DGKB: variants seen among roughly 807,000 people sequenced by gnomAD.
DGKB encodes diacylglycerol kinase beta.
In DGKB, 67 loss-of-function variants were observed where a neutral mutation model predicts 114.3. The ratio of observed to expected loss-of-function variants is 0.59; its 90% CI spans 0.48 to 0.72. The LOEUF is 0.72. DGKB is among the 30% of genes least tolerant of loss of function. DGKB has a pLI of 0.00. For synonymous variants in DGKB, 398 were observed against 323.1 expected, an observed-to-expected ratio of 1.23 and a Z score of -2.49; for missense variants, 907 against 975.2, an observed-to-expected ratio of 0.93 and a Z score of 0.93.
chr7:14,610,596 A>G (rs17168302), intron 16 of DGKB, among the ~76,000 whole-genome samples: 10,698 of 152,100 alleles, frequency 0.07, 640 homozygotes, highest in East Asian at 0.26. Flanking sequence ...TTATAAACAA[A>G]TTCTTATGAT....
chr7:14,339,459 C>T (rs1811250664), intron 22 of DGKB, among the ~76,000 whole-genome samples: 1 of 151,880 alleles, frequency 6.6e-6, no homozygotes. Flanking sequence ...CAAGGTTAAT[C>T]AGCCCAATTT....
chr7:14,892,111 A>C (rs926983665), intron 1 of DGKB, among the ~76,000 whole-genome samples: 1 of 151,364 alleles, frequency 6.6e-6, no homozygotes, highest in African/African-American at 2.4e-5. Context: ...AATGAGAAAA[A>C]AGTCATGGAA....
At chr7:14,758,154 G>A (rs1480534781) in intron 2 of DGKB, among the ~76,000 whole-genome samples, 1 of 151,930 alleles carries the variant, frequency 6.6e-6, no homozygotes, top group Non-Finnish European at 1.5e-5. Flanking sequence ...CCCTATATAT[G>A]CATTACGAAT....
chr7:14,527,289 C>T (rs907386496), intron 20 of DGKB, among the ~76,000 whole-genome samples: 3 of 152,082 alleles, frequency 2.0e-5, no homozygotes, highest in Middle Eastern at 6.3e-3. Context: ...TGGCATTATC[C>T]ACTGTATACA....
intron 1 of DGKB, among the ~76,000 whole-genome samples, chr7:14,883,288 A>C (rs2128216505): frequency 6.6e-6 from 1 of 152,020 alleles, no homozygotes; most frequent in East Asian, 1.9e-4. Flanking sequence ...GCAAAGTTTT[A>C]AGGGTCTATC....
At chr7:14,615,950 A>G (rs1806426515) in intron 15 of DGKB, among the ~76,000 whole-genome samples, 2 of 151,406 alleles carry the variant, frequency 1.3e-5, no homozygotes, top group Admixed American at 1.3e-4. Flanking sequence ...AGTTTCTGAA[A>G]CTCAGTATAT....
chr7:14,493,008 T>C (rs1225651546), intron 20 of DGKB, among the ~76,000 whole-genome samples: 1 of 152,110 alleles, frequency 6.6e-6, no homozygotes, highest in African/African-American at 2.4e-5. Flanking sequence ...GCTTAATCTA[T>C]GCAAACTTTC....
intron 21 of DGKB, among the ~76,000 whole-genome samples, chr7:14,386,429 G>C (rs1176625480): frequency 6.6e-6 from 1 of 152,164 alleles, no homozygotes; most frequent in Non-Finnish European, 1.5e-5. Flanking sequence ...GTGGCCCTTT[G>C]CCCTAACACG....
intron 12 of DGKB, among the ~76,000 whole-genome samples, chr7:14,679,942 G>C (rs568621420): frequency 1.4e-3 from 213 of 152,104 alleles, no homozygotes; most frequent in African/African-American, 5.1e-3. Context: ...TCCGGAACTG[G>C]ATGGAGGCTG....
chr7:14,534,617 C>A (rs1792130327), intron 20 of DGKB, among the ~76,000 whole-genome samples: 3 of 151,758 alleles, frequency 2.0e-5, no homozygotes. Context: ...CACACATAGG[C>A]TGAAAGTGAA....
Position 14,873,492 on chromosome 7 carries a change from A to G in DGKB, c.-188+29100T>C, listed in dbSNP as rs534948657. Among the ~76,000 whole-genome samples, 9 of 152,208 alleles carry G rather than the reference A, an allele frequency of 5.9e-5. No homozygotes were observed. In the South Asian group the frequency reaches 1.9e-3, roughly 32 times the overall value. Reference sequence around the variant, plus strand: ...TGCTATAAGTTTAGAAATTTACTCAAGTATAACAAACTATAGAAATTCAGG... The same window carrying G: ...TGCTATAAGTTTAGAAATTTACTCAGGTATAACAAACTATAGAAATTCAGG... On this transcript the variant is annotated intron_variant, in intron 1 of 25. Transcript: ENST00000402815.
intron 23 of DGKB, among the ~76,000 whole-genome samples, chr7:14,304,429 C>CCA (rs1199612400): frequency 6.6e-6 from 1 of 151,760 alleles, no homozygotes; most frequent in Non-Finnish European, 1.5e-5. Context: ...ACACAACATC[C>CCA]CACAGTCCCA....
intron 2 of DGKB, among the ~76,000 whole-genome samples, chr7:14,758,394 T>G (rs1184053598): frequency 6.6e-6 from 1 of 152,074 alleles, no homozygotes; most frequent in Non-Finnish European, 1.5e-5. Flanking sequence ...GATATAGATA[T>G]ATACATTCAG....
intron 23 of DGKB, among the ~76,000 whole-genome samples, chr7:14,180,388 T>C (rs990242412): frequency 9.9e-5 from 15 of 152,200 alleles, no homozygotes; most frequent in Admixed American, 7.2e-4. Flanking sequence ...TTTTTTTCTT[T>C]CTTTTAATTT....
intron 2 of DGKB, 37 bp downstream of exon 2, chr7:14,841,157 T>G: frequency 2.0e-6 from 3 of 1,528,506 alleles, no homozygotes; most frequent in Non-Finnish European, 2.7e-6. Flanking sequence ...CTAGCACAAA[T>G]GTCAAATAAT....
At chr7:14,648,218 G>A (rs1407966584) in intron 13 of DGKB, among the ~76,000 whole-genome samples, 1 of 152,218 alleles carries the variant, frequency 6.6e-6, no homozygotes, top group Non-Finnish European at 1.5e-5. Context: ...AAAGACAGCA[G>A]TAACCTCTGC....
Position 14,632,789 on chromosome 7 carries a change from G to A in DGKB, c.1135-2521C>T, listed in dbSNP as rs1358183913. ...CTGCTGGGAAAGAGGAACAGAGAAA[G>A]AGGGGGAACTGTTAAAGATAAATGA... On this transcript the variant is annotated intron_variant, in intron 13 of 25. Coordinates refer to ENST00000402815, the MANE Select transcript of DGKB (RefSeq NM_001350709.2). 2.0e-5 allele frequency among the ~76,000 whole-genome samples: 3 copies of A among 151,806 alleles called. No individual in the cohort carries two copies. The East Asian group carries it at 5.8e-4, about 29-fold the overall frequency.
Position 14,736,072 on chromosome 7 carries a change from C to T in DGKB, c.291G>A (p.Met97Ile). The T allele has an allele frequency of 2.5e-6, 4 of 1,605,254 alleles. No homozygotes were observed. In the African/African-American group the frequency reaches 4.0e-5, roughly 16 times the overall value. The change falls in exon 5 of 26, where the codon ATG becomes ATA. Residue 97 changes from methionine (M) to isoleucine (I), a missense_variant. Around this residue, in one of 3 missense-constraint regions of DGKB, gnomAD observed 814 missense variants for 856.6 expected, o/e 0.95. Coordinates refer to ENST00000402815, the MANE Select transcript of DGKB (RefSeq NM_001350709.2). ...FSNKFPHSSP[M>I]VKSKPALLSG... ...ATAGGAGAGCAGGCTTACTTTTTAC[C>T]ATTGGACTAGAATGAGGAAACTTGT...
At chr7:14,390,119 C>T (rs549190038) in intron 21 of DGKB, among the ~76,000 whole-genome samples, 9 of 152,246 alleles carry the variant, frequency 5.9e-5, no homozygotes, top group African/African-American at 2.2e-4. Flanking sequence ...CTAGGAAATG[C>T]TACTTGCCCA....
Sources: allele counts gnomAD v4.1 joint callset (sites outside exome capture counted in the v4.1 genomes callset), GRCh38; gene constraint gnomAD v4.1.1; regional missense constraint gnomAD v4.1.1; transcripts MANE v1.5; gene names NCBI Gene and HGNC (gene_info 2026-07-23, HGNC 2026-07-21).